Variants in CA5A observed in about 807,000 individuals in gnomAD.
The protein encoded by CA5A is carbonic anhydrase 5A, also known as carbonic anhydrase 5A, mitochondrial.
Under a neutral mutation model 37.1 loss-of-function variants are expected in CA5A, and 28 were observed. That is an observed-to-expected ratio of 0.75 (90% CI 0.56 to 1.03). The LOEUF is 1.03. Ranked by LOEUF, CA5A falls within the 50% of genes least tolerant of loss-of-function variation. The probability of loss-of-function intolerance (pLI) is 0.00; values close to 1 mark genes in which losing one functional copy is unlikely to be tolerated. For missense variants in CA5A, 444 were observed against 399.9 expected (o/e 1.11, Z -0.94); for synonymous variants, 171 against 158.4 (o/e 1.08, Z -0.60).
intron 4 of CA5A, 88 bp from the exon 5 acceptor site, chr16:87,902,062 A>T: frequency 8.2e-7 from 1 of 1,214,744 alleles, no homozygotes; most frequent in East Asian, 2.4e-5. Context: ...ACGTTTTAAA[A>T]GCAATCCTAG....
At chr16:87,902,333 G>A in intron 4 of CA5A, 92 bp downstream of exon 4, 1 of 762,266 alleles carries the variant, frequency 1.3e-6, no homozygotes. Flanking sequence ...CAGCCTGTGT[G>A]ACACAGCGAG....
rs530160225 is a variant in CA5A, at chr16:87,914,581, C to T, written c.341-9677G>A. 2.1e-4 allele frequency among the ~76,000 whole-genome samples: 32 copies of T among 152,196 alleles called. No individual in the cohort carries two copies. The South Asian group carries it at 6.0e-3, about 29-fold the overall frequency. The stretch of plus-strand genomic sequence containing the variant: ...AGCTAGAGCCACTCACTGGCCCCTG[C>T]AGGGGAGCAACGCAGTGGGGAAGCC... On this transcript the variant is annotated intron_variant, in intron 2 of 6. Coordinates refer to ENST00000649794, the MANE Select transcript of CA5A (RefSeq NM_001739.2).
At chr16:87,914,012 G>A (rs546665991) in intron 2 of CA5A, among the ~76,000 whole-genome samples, 7 of 152,332 alleles carry the variant, frequency 4.6e-5, no homozygotes, top group East Asian at 1.9e-4. Flanking sequence ...TTATTTCCCC[G>A]ATGACCTTTT....
intron 2 of CA5A, among the ~76,000 whole-genome samples, chr16:87,909,220 CA>C (rs1175476990): frequency 6.6e-6 from 1 of 152,138 alleles, no homozygotes; most frequent in Non-Finnish European, 1.5e-5. Context: ...CAGCCCTTTC[CA>C]ATCTGCCTCC....
intron 5 of CA5A, among the ~76,000 whole-genome samples, chr16:87,892,564 T>A (rs1365664095): frequency 7.0e-6 from 1 of 143,016 alleles, no homozygotes; most frequent in Non-Finnish European, 1.5e-5. Flanking sequence ...ATAAATTAAT[T>A]AATAATAAAA....
At chr16:87,912,959 G>A (rs887982853) in intron 2 of CA5A, among the ~76,000 whole-genome samples, 59 of 152,056 alleles carry the variant, frequency 3.9e-4, no homozygotes, top group African/African-American at 1.4e-3. Flanking sequence ...GCTAAAGGAA[G>A]TGGGGCCTTC....
intron 2 of CA5A, among the ~76,000 whole-genome samples, chr16:87,921,053 A>G (rs1374011260): frequency 6.6e-6 from 1 of 152,058 alleles, no homozygotes; most frequent in Non-Finnish European, 1.5e-5. Context: ...TTGGCCTCCC[A>G]AAGTGCTGGG....
chr16:87,910,218 G>A (rs896144978), intron 2 of CA5A, among the ~76,000 whole-genome samples: 1 of 152,234 alleles, frequency 6.6e-6, no homozygotes, highest in African/African-American at 2.4e-5. Context: ...TCCTGTCCAT[G>A]AGCTCACGTC....
chr16:87,894,959 G>C (rs1283515134), intron 5 of CA5A, among the ~76,000 whole-genome samples: 2 of 152,134 alleles, frequency 1.3e-5, no homozygotes, highest in African/African-American at 4.8e-5. Flanking sequence ...CATCTAAAGT[G>C]TACAGCCTGG....
intron 2 of CA5A, among the ~76,000 whole-genome samples, chr16:87,913,026 C>T (rs967884711): frequency 8.4e-4 from 128 of 152,164 alleles, no homozygotes; most frequent in African/African-American, 3.1e-3. Context: ...GCTCTGTCAC[C>T]CAGGCTGGAT....
chr16:87,891,467 CAA>C (rs372043586), intron 6 of CA5A, among the ~76,000 whole-genome samples: 3 of 124,756 alleles, frequency 2.4e-5, no homozygotes, highest in African/African-American at 9.0e-5. Context: ...GACTCTGTCT[CAA>C]AAAAAAAAAA....
intron 2 of CA5A, among the ~76,000 whole-genome samples, chr16:87,914,360 C>G (rs913272373): frequency 1.3e-5 from 2 of 152,184 alleles, no homozygotes; most frequent in Admixed American, 6.5e-5. Context: ...GTCAGGCAAC[C>G]GCCAGCAGCA....
Position 87,889,198 on chromosome 16 carries a change from C to T in CA5A, c.775-926G>A, listed in dbSNP as rs904797685. Among the ~76,000 whole-genome samples the T allele has an allele frequency of 6.6e-5, 10 of 152,010 alleles. No homozygotes were observed. In the East Asian group the frequency reaches 1.4e-3, roughly 21 times the overall value. ...CCTCCCAAAGTACTGGGATTATAGG[C>T]GTTTAGCCACTGTGCTAGGCCTAAT... On this transcript the variant is annotated intron_variant, in intron 6 of 6. Coordinates refer to ENST00000649794, the MANE Select transcript of CA5A (RefSeq NM_001739.2).
chr16:87,926,761 G>A lies in CA5A; in HGVS notation c.327C>T (p.Ala109=). The change falls in exon 2 of 7, where the codon GCC becomes GCT. Residue 109 remains alanine, a synonymous_variant. Coordinates refer to ENST00000649794, the MANE Select transcript of CA5A (RefSeq NM_001739.2). ...GCTGGCACTCACCTGATGCCTCGGT[G>A]GCATCGTCAAATTCCACCTGGAAGA... ...GYLFQVEFDD[A]TEASGISGGP... is the part of the protein sequence containing the mutation. 2 of 1,613,472 alleles carry A rather than the reference G, an allele frequency of 1.2e-6. No homozygotes were observed. Among genetic ancestry groups the A allele is most frequent in the Admixed American group, 1.7e-5 (1 of 59,994 alleles).
At chr16:87,915,992 A>AG (rs1201867901) in intron 2 of CA5A, among the ~76,000 whole-genome samples, 6 of 151,954 alleles carry the variant, frequency 3.9e-5, no homozygotes, top group African/African-American at 1.5e-4. Flanking sequence ...TCACGGCAGA[A>AG]GGCGAAAGGC....
chr16:87,927,222 T>A (rs2056325958), intron 1 of CA5A, among the ~76,000 whole-genome samples: 1 of 152,192 alleles, frequency 6.6e-6, no homozygotes, highest in Non-Finnish European at 1.5e-5. Context: ...GTTTTTGACT[T>A]TTGTGTTGCC....
chr16:87,926,710 G>C (rs1467367716), intron 2 of CA5A, 38 bp downstream of exon 2: 1 of 1,533,432 alleles, frequency 6.5e-7, no homozygotes, highest in East Asian at 2.3e-5. Flanking sequence ...CAGAACAACG[G>C]GAGAGGACAA....
At chr16:87,925,312 G>C (rs1449852813) in intron 2 of CA5A, among the ~76,000 whole-genome samples, 1 of 152,188 alleles carries the variant, frequency 6.6e-6, no homozygotes, top group Admixed American at 6.5e-5. Flanking sequence ...GCGAAGAGGT[G>C]TCTGGGCTGT....
intron 6 of CA5A, among the ~76,000 whole-genome samples, chr16:87,888,953 C>T (rs1275420164): frequency 3.3e-4 from 49 of 148,496 alleles, no homozygotes; most frequent in Non-Finnish European, 5.8e-4. Flanking sequence ...GAGTTTCGCT[C>T]CTGTTGCCCA....
Sources: allele counts gnomAD v4.1 joint callset (sites outside exome capture counted in the v4.1 genomes callset), GRCh38; gene constraint gnomAD v4.1.1; transcripts MANE v1.5; gene names NCBI Gene and HGNC (gene_info 2026-07-23, HGNC 2026-07-21).